Variants in FILIP1L observed in about 807,000 individuals in gnomAD.
FILIP1L encodes filamin A interacting protein 1 like, also known as filamin A-interacting protein 1-like.
A neutral mutation model predicts 96.6 loss-of-function variants in FILIP1L; 55 were observed. The observed-to-expected ratio is 0.57, with a 90% CI of 0.46 to 0.71. FILIP1L has a LOEUF of 0.71. FILIP1L is among the 30% of genes least tolerant of loss of function. FILIP1L has a pLI of 0.00. For synonymous variants in FILIP1L, 467 were observed against 473.9 expected (o/e 0.99, Z 0.19); for missense variants, 1,304 against 1,321.2 (o/e 0.99, Z 0.20).
At chr3:99,919,296 A>G (rs1195528058) in intron 4 of FILIP1L, among the ~76,000 whole-genome samples, 1 of 151,700 alleles carries the variant, frequency 6.6e-6, no homozygotes, top group Non-Finnish European at 1.5e-5. Flanking sequence ...TCATGAACTC[A>G]TAATGCCTTA....
intron 1 of FILIP1L, among the ~76,000 whole-genome samples, chr3:100,037,285 A>G (rs1318856085): frequency 6.6e-6 from 1 of 152,228 alleles, no homozygotes; most frequent in African/African-American, 2.4e-5. Flanking sequence ...ATGGTTTAGA[A>G]AAACAAATGT....
At chr3:100,034,291 C>T (rs1204221413) in intron 1 of FILIP1L, among the ~76,000 whole-genome samples, 1 of 152,104 alleles carries the variant, frequency 6.6e-6, no homozygotes, top group African/African-American at 2.4e-5. Context: ...GCTAATGTAC[C>T]ACTTATTGTC....
chr3:99,838,885 CTG>C (rs1411100186), intron 5 of FILIP1L, among the ~76,000 whole-genome samples: 2 of 152,160 alleles, frequency 1.3e-5, no homozygotes, highest in African/African-American at 4.8e-5. Context: ...CAGAAACCTT[CTG>C]TGAAGACACA....
rs375147135 is a variant in FILIP1L at position 99,924,282 on chromosome 3, A to G, written c.553T>C (p.Tyr185His). 3.7e-6 allele frequency: 6 copies of G among 1,613,986 alleles called. No homozygotes were observed. Among genetic ancestry groups the G allele is most frequent in the South Asian group, 1.1e-5 (1 of 91,062 alleles). ...LEEEKRKHKE[Y>H]MEKSDEFICL... ...ATGAATTCATCACTCTTCTCCATGT[A>G]TTCTTTATGTTTTCTCTTTTCTTCC... Residue 185 changes from tyrosine (Y) to histidine (H), a missense_variant, in exon 4 of 6, where the codon TAC (tyrosine) becomes CAC (histidine). Coordinates refer to ENST00000477258, the MANE Select transcript of FILIP1L (RefSeq NM_001387850.1).
At chr3:100,074,072 T>C (rs1221627066) in intron 1 of FILIP1L, among the ~76,000 whole-genome samples, 2 of 152,194 alleles carry the variant, frequency 1.3e-5, no homozygotes, top group East Asian at 1.9e-4. Context: ...GCCTTTTTTT[T>C]CCCTTCCCTC....
intron 1 of FILIP1L, among the ~76,000 whole-genome samples, chr3:100,021,861 A>G (rs188568881): frequency 1.7e-3 from 251 of 151,238 alleles, no homozygotes; most frequent in Middle Eastern, 3.4e-3. Flanking sequence ...TTAAAGGAAG[A>G]ATAGCTGATA....
At chr3:100,101,423 G>A (rs897223703) in intron 1 of FILIP1L, among the ~76,000 whole-genome samples, 1 of 152,128 alleles carries the variant, frequency 6.6e-6, no homozygotes, top group African/African-American at 2.4e-5. Flanking sequence ...GTGGCCTCAG[G>A]TAAAGTAGAT....
At chr3:100,094,861 T>A (rs1210513486) in intron 1 of FILIP1L, among the ~76,000 whole-genome samples, 1 of 151,966 alleles carries the variant, frequency 6.6e-6, no homozygotes, top group African/African-American at 2.4e-5. Context: ...TTTGTGTGTG[T>A]GTTTTTTTAG....
chr3:99,832,839 CAA>C (rs771543470), intron 5 of FILIP1L, among the ~76,000 whole-genome samples: 10 of 47,478 alleles, frequency 2.1e-4, no homozygotes, highest in Non-Finnish European at 3.3e-4. Flanking sequence ...GACTCTGTCT[CAA>C]AAAAAAAAAA....
intron 1 of FILIP1L, among the ~76,000 whole-genome samples, chr3:100,019,732 G>A (rs1407505837): frequency 8.5e-5 from 13 of 152,070 alleles, no homozygotes; most frequent in Non-Finnish European, 1.9e-4. Context: ...GTAAGACTGC[G>A]ATTCACATTC....
At chr3:100,057,527 C>A (rs1470940433) in intron 1 of FILIP1L, among the ~76,000 whole-genome samples, 1 of 152,156 alleles carries the variant, frequency 6.6e-6, no homozygotes, top group Non-Finnish European at 1.5e-5. Context: ...TTGTGTTCTG[C>A]GTCTTATTAA....
At chr3:100,102,615 T>C (rs1439841225) in intron 1 of FILIP1L, among the ~76,000 whole-genome samples, 3 of 152,208 alleles carry the variant, frequency 2.0e-5, no homozygotes, top group Admixed American at 2.0e-4. Flanking sequence ...CTATTAATTC[T>C]TTGAAGGCAA....
At chr3:99,962,884 T>C (rs1414954489) in intron 1 of FILIP1L, among the ~76,000 whole-genome samples, 1 of 152,216 alleles carries the variant, frequency 6.6e-6, no homozygotes, top group Non-Finnish European at 1.5e-5. Context: ...GCCTGCTGTT[T>C]ATGGTCACAA....
chr3:100,090,046 A>G (rs888387263), intron 1 of FILIP1L, among the ~76,000 whole-genome samples: 1 of 152,216 alleles, frequency 6.6e-6, no homozygotes, highest in African/African-American at 2.4e-5. Flanking sequence ...GCGTGGAGCC[A>G]CAGAAAACTT....
chr3:100,073,726 C>A (rs1191179435), intron 1 of FILIP1L, among the ~76,000 whole-genome samples: 1 of 152,186 alleles, frequency 6.6e-6, no homozygotes, highest in Non-Finnish European at 1.5e-5. Context: ...CCGGTGTTCA[C>A]TCTACATTCA....
chr3:99,989,134 A>C (rs1173421117), intron 1 of FILIP1L, among the ~76,000 whole-genome samples: 1 of 152,168 alleles, frequency 6.6e-6, no homozygotes, highest in Non-Finnish European at 1.5e-5. Flanking sequence ...TCTTGTTTGG[A>C]CCTAGCAACA....
At chr3:99,995,831 C>T (rs531220370) in intron 1 of FILIP1L, among the ~76,000 whole-genome samples, 1 of 152,296 alleles carries the variant, frequency 6.6e-6, no homozygotes, top group South Asian at 2.1e-4. Context: ...GCAGCTGGGA[C>T]ACAGGGCACC....
chr3:99,881,537 CTTTTTT>C (rs767566245), intron 4 of FILIP1L, among the ~76,000 whole-genome samples: 1 of 144,914 alleles, frequency 6.9e-6, no homozygotes, highest in East Asian at 2.0e-4. Context: ...CTCTCTCTCT[CTTTTTT>C]TTTTTTTGAG....
chr3:99,839,416 G>T (rs1266117392), intron 5 of FILIP1L, among the ~76,000 whole-genome samples: 1 of 152,192 alleles, frequency 6.6e-6, no homozygotes, highest in Non-Finnish European at 1.5e-5. Flanking sequence ...CCTAATAGAA[G>T]ACATTCATGC....
Sources: gnomAD v4.1 joint callset for allele counts (sites outside exome capture counted in the v4.1 genomes callset) on GRCh38, gnomAD v4.1.1 for gene constraint, MANE v1.5 for transcripts, NCBI Gene and HGNC (gene_info 2026-07-23, HGNC 2026-07-21) for gene names.